MIS18A: variants seen among roughly 807,000 people sequenced by gnomAD.
MIS18A encodes protein Mis18-alpha.
In MIS18A, 14 loss-of-function variants were observed where a neutral mutation model predicts 25.0. That is an observed-to-expected ratio of 0.56 (90% CI 0.37 to 0.88). The LOEUF (loss-of-function observed/expected upper bound fraction) is 0.88. MIS18A is among the 40% of genes least tolerant of loss of function. The probability of loss-of-function intolerance (pLI) is 0.00; values close to 1 mark genes in which losing one functional copy is unlikely to be tolerated. For missense variants in MIS18A, 292 were observed against 290.8 expected (o/e 1.00, Z -0.03); for synonymous variants, 134 against 118.6 (o/e 1.13, Z -0.84).
the MIS18A span, among the ~76,000 whole-genome samples, chr21:32,246,893 G>A: frequency 6.6e-6 from 1 of 152,126 alleles, no homozygotes; most frequent in African/African-American, 2.4e-5. Flanking sequence ...GTGCTGCTTT[G>A]GCTCTGAAGG....
At chr21:32,241,801 T>C in the MIS18A span, among the ~76,000 whole-genome samples, 1 of 152,262 alleles carries the variant, frequency 6.6e-6, no homozygotes, top group African/African-American at 2.4e-5. Flanking sequence ...GCTATTTTCT[T>C]GTCCCACAGA....
chr21:32,241,112 T>G, the MIS18A span, among the ~76,000 whole-genome samples: 1 of 152,378 alleles, frequency 6.6e-6, no homozygotes, highest in South Asian at 2.1e-4. Flanking sequence ...GAGACCGTAG[T>G]GATTTTTATA....
the MIS18A span, among the ~76,000 whole-genome samples, chr21:32,259,536 C>T: frequency 5.9e-5 from 9 of 152,306 alleles, no homozygotes; most frequent in South Asian, 2.1e-4. Flanking sequence ...CATTCCAGGA[C>T]GGCATCTGAC....
At chr21:32,167,609 A>T in the MIS18A span, among the ~76,000 whole-genome samples, 54 of 152,330 alleles carry the variant, frequency 3.5e-4, no homozygotes, top group Non-Finnish European at 6.8e-4. Flanking sequence ...AAAAACCAAA[A>T]ACAGCATAAG....
chr21:32,256,444 A>G, the MIS18A span, among the ~76,000 whole-genome samples: 69,361 of 151,882 alleles, frequency 0.46, 17,629 homozygotes, highest in African/African-American at 0.69. Flanking sequence ...TCCGGTAGCT[A>G]AGGCCACCTT....
the MIS18A span, among the ~76,000 whole-genome samples, chr21:32,165,875 A>G: frequency 6.6e-6 from 1 of 152,168 alleles, no homozygotes; most frequent in Non-Finnish European, 1.5e-5. Context: ...TTTAGTGTCT[A>G]CCTACTTCAT....
At chr21:32,185,174 T>A in the MIS18A span, among the ~76,000 whole-genome samples, 1 of 152,086 alleles carries the variant, frequency 6.6e-6, no homozygotes, top group Non-Finnish European at 1.5e-5. Context: ...CCCTGCACAC[T>A]TACTAATGGG....
the MIS18A span, among the ~76,000 whole-genome samples, chr21:32,254,232 C>T: frequency 0.061 from 8,837 of 144,420 alleles, 344 homozygotes; most frequent in Middle Eastern, 0.17. Context: ...CTCCAACCCC[C>T]GACCCCAGAA....
chr21:32,168,941 C>T, the MIS18A span, among the ~76,000 whole-genome samples: 1 of 152,058 alleles, frequency 6.6e-6, no homozygotes, highest in Non-Finnish European at 1.5e-5. Flanking sequence ...ATTGGTAAGG[C>T]ACTTCTGGAT....
chr21:32,157,913 A>G, the MIS18A span, among the ~76,000 whole-genome samples: 80 of 152,336 alleles, frequency 5.3e-4, no homozygotes, highest in African/African-American at 1.9e-3. Context: ...AGGGTTGAAC[A>G]TGACTTTGAG....
the MIS18A span, among the ~76,000 whole-genome samples, chr21:32,176,073 C>T: frequency 2.0e-5 from 3 of 152,148 alleles, no homozygotes; most frequent in Admixed American, 6.5e-5. Context: ...GATAACAATG[C>T]TGTCTTCTGG....
the MIS18A span, among the ~76,000 whole-genome samples, chr21:32,214,716 G>C: frequency 6.6e-6 from 1 of 152,190 alleles, no homozygotes; most frequent in African/African-American, 2.4e-5. Flanking sequence ...AGAAATAACA[G>C]CAATGACAAT....
chr21:32,201,638 T>C, the MIS18A span, among the ~76,000 whole-genome samples: 2 of 151,988 alleles, frequency 1.3e-5, no homozygotes, highest in Admixed American at 6.6e-5. Flanking sequence ...CTGAGCAATA[T>C]AGTGAGCCCC....
chr21:32,188,538 C>T, the MIS18A span, among the ~76,000 whole-genome samples: 1 of 152,192 alleles, frequency 6.6e-6, no homozygotes, highest in Non-Finnish European at 1.5e-5. Flanking sequence ...AGACCCATGA[C>T]ATCAAGCGCT....
downstream of MIS18A, among the ~76,000 whole-genome samples, chr21:32,263,367 G>A (rs1391243142): frequency 2.0e-5 from 3 of 152,178 alleles, no homozygotes; most frequent in Non-Finnish European, 4.4e-5. Flanking sequence ...AGGCTGAGGC[G>A]GGCGGGTCAC....
intron 2 of MIS18A, among the ~76,000 whole-genome samples, chr21:32,272,081 CTAG>C (rs2031724981): frequency 6.6e-6 from 1 of 152,214 alleles, no homozygotes; most frequent in Admixed American, 6.5e-5. Flanking sequence ...GAGATGGTAG[CTAG>C]TATTAAGGCA....
the MIS18A span, among the ~76,000 whole-genome samples, chr21:32,252,188 A>C: frequency 1.1e-4 from 16 of 149,712 alleles, no homozygotes; most frequent in African/African-American, 3.9e-4. Flanking sequence ...CCTGTCTCAA[A>C]AAAAGGAAGA....
downstream of MIS18A, among the ~76,000 whole-genome samples, chr21:32,267,532 C>G (rs2031627639): frequency 6.6e-6 from 1 of 152,180 alleles, no homozygotes; most frequent in Non-Finnish European, 1.5e-5. Context: ...GAACTGGCTA[C>G]AAATATTGTA....
At chr21:32,265,069 G>A (rs1008231391), downstream of MIS18A, among the ~76,000 whole-genome samples, 21 of 152,202 alleles carry the variant, frequency 1.4e-4, no homozygotes, top group African/African-American at 4.6e-4. Flanking sequence ...GAGAATGGCC[G>A]AAGGAGTAAC....
Sources: gnomAD v4.1 joint callset for allele counts (sites outside exome capture counted in the v4.1 genomes callset) on GRCh38, gnomAD v4.1.1 for gene constraint, MANE v1.5 for transcripts, NCBI Gene and HGNC (gene_info 2026-07-23, HGNC 2026-07-21) for gene names.